The following C2CD3 variants were observed in gnomAD, a reference collection of about 807,000 sequenced individuals.
C2CD3 encodes the protein C2 domain containing 3 centriole elongation regulator.
C2CD3 carries 148 observed loss-of-function variants against 234.0 expected under a neutral mutation model. That is an observed-to-expected ratio of 0.63 (90% confidence interval 0.55 to 0.72). The LOEUF (loss-of-function observed/expected upper bound fraction) is 0.72, where lower values mean the gene tolerates loss of function less well. C2CD3 is among the 30% of genes least tolerant of loss of function. The pLI is 0.00. For synonymous variants in C2CD3, 1,000 were observed against 1,035.4 expected, an observed-to-expected ratio of 0.97 and a Z score of 0.66; for missense variants, 2,577 against 2,811.5, an observed-to-expected ratio of 0.92 and a Z score of 1.89.
Position 74,138,968 on chromosome 11 carries a change from C to T in C2CD3, c.708-1G>A. ...TGCAAAGCATACATGGTCTTTTCCCCTGTTTTTTTAAAAAGGGAGAACATC... is the reference window on the plus strand; with the variant it reads ...TGCAAAGCATACATGGTCTTTTCCCTTGTTTTTTTAAAAAGGGAGAACATC... On this transcript the variant is annotated splice_acceptor_variant, in intron 4 of 32. Transcript: ENST00000334126. LOFTEE classifies it high-confidence loss of function. 3 of 1,601,752 alleles carry T rather than the reference C, an allele frequency of 1.9e-6. No individual in the cohort carries two copies. Among genetic ancestry groups the T allele is most frequent in the Non-Finnish European group, 1.7e-6 (2 of 1,173,476 alleles).
intron 3 of C2CD3, among the ~76,000 whole-genome samples, chr11:74,153,777 T>C (rs1855834510): frequency 6.6e-6 from 1 of 152,146 alleles, no homozygotes; most frequent in South Asian, 2.1e-4. Context: ...GAGTATCTTA[T>C]TTCAAGGTTT....
At chr11:74,164,171 T>A (rs1265919472) in intron 2 of C2CD3, 59 of 973,488 alleles carry the variant, frequency 6.1e-5, no homozygotes, top group Non-Finnish European at 7.2e-5. Context: ...TCACTTGTTG[T>A]GGAATTAGAA....
intron 23 of C2CD3, among the ~76,000 whole-genome samples, chr11:74,076,518 C>CT (rs901741565): frequency 6.6e-6 from 1 of 152,220 alleles, no homozygotes; most frequent in Non-Finnish European, 1.5e-5. Flanking sequence ...AAGCTATACA[C>CT]TCCTCTTGTA....
At chr11:74,114,006 C>T in intron 10 of C2CD3, 114 bp from the exon 11 acceptor site, 1 of 639,772 alleles carries the variant, frequency 1.6e-6, no homozygotes, top group African/African-American at 1.8e-5. Context: ...TACTCAGAGG[C>T]CCTACCTCTT....
rs561411722 is a variant in C2CD3 at position 74,111,634 on chromosome 11, T to C, written c.1843+2146A>G. 7.9e-5 allele frequency among the ~76,000 whole-genome samples: 12 copies of C among 152,170 alleles called. No homozygotes were observed. The South Asian group carries it at 2.5e-3, about 32-fold the overall frequency. On this transcript the variant is annotated intron_variant, in intron 11 of 32. Coordinates refer to ENST00000334126, the MANE Select transcript of C2CD3 (RefSeq NM_001286577.2). ...TTGAAGAAAGGACACTCAACTTGTG[T>C]ATGGTGCATTAATACTTGCAGAAAC...
chr11:74,019,411 T>C (rs1300821869), intron 32 of C2CD3, among the ~76,000 whole-genome samples: 3 of 152,218 alleles, frequency 2.0e-5, no homozygotes, highest in African/African-American at 4.8e-5. Flanking sequence ...TTATCAGAGA[T>C]ACTTTGACCT....
At chr11:74,073,766 T>C (rs1327167025) in intron 24 of C2CD3, among the ~76,000 whole-genome samples, 4 of 152,202 alleles carry the variant, frequency 2.6e-5, no homozygotes, top group Non-Finnish European at 5.9e-5. Flanking sequence ...CTACTGCCTA[T>C]ATTCATAATG....
intron 3 of C2CD3, among the ~76,000 whole-genome samples, chr11:74,158,605 C>T (rs1856203298): frequency 6.6e-6 from 1 of 151,886 alleles, no homozygotes; most frequent in African/African-American, 2.4e-5. Context: ...GCCTGTAATC[C>T]CAGCTACTCA....
At position 74,113,472 on chromosome 11, in the gene C2CD3, G is replaced by A. The variant is rs1024516664; in HGVS notation, c.1843+308C>T. On this transcript the variant is annotated intron_variant, in intron 11 of 32. Transcript: ENST00000334126. ...GGCAGGCGGATCACTTAAGGTCAGG[G>A]GTTTGAGACCACCCTGGCCAACATG... The A allele has an allele frequency of 1.5e-4, 49 of 336,302 alleles. No homozygotes were observed. The Admixed American group carries it at 2.1e-3, about 14-fold the overall frequency. The allele number at this position is 336,302 out of a possible 1,614,324, so 20.8% of individuals were successfully genotyped here. A position where few individuals can be genotyped will look rare whatever the true frequency, so the allele number is the denominator to read the frequency against.
Position 74,123,280 on chromosome 11 carries a change from T to C in C2CD3, c.1218-145A>G, listed in dbSNP as rs1201758390. ...TCACATTAAACAAAAGACTACTGAA[T>C]AAATATTTCCCAATTATACTACCCC... On this transcript the variant is annotated intron_variant, in intron 7 of 32. Coordinates refer to ENST00000334126, the MANE Select transcript of C2CD3 (RefSeq NM_001286577.2). 5.7e-5 allele frequency: 36 copies of C among 626,116 alleles called. No individual in the cohort carries two copies. In the East Asian group the frequency reaches 9.6e-4, roughly 17 times the overall value. The allele number at this position is 626,116 out of a possible 1,614,324, so 38.8% of individuals were successfully genotyped here.
At position 74,033,432 on chromosome 11, in the gene C2CD3, C is replaced by A. The variant is rs1295630097; in HGVS notation, c.6728G>T (p.Gly2243Val). 6.5e-7 allele frequency: 1 copy of A among 1,536,114 alleles called. No individual in the cohort carries two copies. Among genetic ancestry groups the A allele is most frequent in the South Asian group, 1.2e-5 (1 of 84,062 alleles). ...GATGTCAGAGGAGTCGATGGGTGGT[C>A]CCTTATGGTTTTCCCTTCTGCTCTG... Reference protein sequence around the residue: ...ASQSRRENHKGPPIDSSDIRQ... With the variant: ...ASQSRRENHKVPPIDSSDIRQ... Residue 2243 changes from glycine (G) to valine (V), a missense_variant, in exon 31 of 33, where the codon GGA becomes GTA. Gly to Val is a moderately radical substitution (Grantham distance 109). Transcript: ENST00000334126.
rs928577816 is a variant in C2CD3, at chr11:74,100,946, T to C, written c.2581-270A>G. Among the ~76,000 whole-genome samples the C allele has an allele frequency of 1.7e-4, 26 of 152,184 alleles. 1 individual carries two copies. Among genetic ancestry groups the C allele is most frequent in the Non-Finnish European group, 1.5e-5 (1 of 68,032 alleles). On this transcript the variant is annotated intron_variant, in intron 14 of 32. Transcript: ENST00000334126. Reference sequence around the variant, plus strand: ...AGCTTTGAGGACACAGAGAAGGTTGTTAAATATGTCAAACATGGTGCCTGC... The same window carrying C: ...AGCTTTGAGGACACAGAGAAGGTTGCTAAATATGTCAAACATGGTGCCTGC...
Position 74,138,790 on chromosome 11 carries a change from T to C in C2CD3, c.885A>G (p.Thr295=), listed in dbSNP as rs1449469540. ...NSSEFQPQIR[T]VAKSHSDSCI... ...ATGAGTCACTGTGACTCTTGGCAACTGTTCTAATTTGAGGCTGGAATTCAG... is the reference window on the plus strand; with the variant it reads ...ATGAGTCACTGTGACTCTTGGCAACCGTTCTAATTTGAGGCTGGAATTCAG... The change falls in exon 5 of 33, where the codon ACA becomes ACG. Residue 295 remains threonine, a synonymous_variant. Transcript: ENST00000334126. 1 of 1,612,986 alleles carries C rather than the reference T, an allele frequency of 6.2e-7. No homozygotes were observed. Among genetic ancestry groups the C allele is most frequent in the African/African-American group, 1.3e-5 (1 of 74,934 alleles).
In C2CD3 at chr11:74,154,711, T is replaced by C. The variant is rs200279851; in HGVS notation, c.483+6688A>G. ...AAAAGCCACATAGACCATATATAAA[T>C]GAATGGGTGTGGCTGCGTCCTAATA... is the stretch of plus-strand genomic sequence containing the variant. On this transcript the variant is annotated intron_variant, in intron 3 of 32. Transcript: ENST00000334126. 3.0e-4 allele frequency among the ~76,000 whole-genome samples: 45 copies of C among 152,276 alleles called. No individual in the cohort carries two copies. The East Asian group carries it at 8.5e-3, about 29-fold the overall frequency.
intron 22 of C2CD3, among the ~76,000 whole-genome samples, chr11:74,080,806 T>C (rs1955318182): frequency 1.3e-5 from 2 of 152,170 alleles, no homozygotes; most frequent in Admixed American, 1.3e-4. Context: ...CCAAGATCTT[T>C]CACATGTAAG....
At chr11:74,077,281 A>AT (rs1044195735) in intron 23 of C2CD3, among the ~76,000 whole-genome samples, 1 of 152,038 alleles carries the variant, frequency 6.6e-6, no homozygotes, top group Non-Finnish European at 1.5e-5. Flanking sequence ...TCATTATTTC[A>AT]TAAGTGTTAA....
At chr11:74,035,691 C>G (rs577086574) in intron 30 of C2CD3, among the ~76,000 whole-genome samples, 68 of 151,588 alleles carry the variant, frequency 4.5e-4, no homozygotes, top group African/African-American at 1.4e-3. Flanking sequence ...ATAATGGAGG[C>G]AGGGGCAGGC....
chr11:74,093,786 A>G, intron 18 of C2CD3, 30 bp downstream of exon 18: 1 of 1,583,094 alleles, frequency 6.3e-7, no homozygotes, highest in Non-Finnish European at 8.6e-7. Context: ...CTTCCTTCCT[A>G]GGCATAGGAC....
rs143217042 is a variant in C2CD3 at position 74,022,856 on chromosome 11, G to A, written c.6921+5431C>T. Among the ~76,000 whole-genome samples, 620 of 152,370 alleles carry A rather than the reference G, an allele frequency of 4.1e-3. 4 individuals carry two copies. The highest frequency in any genetic ancestry group is 0.013 in the African/African-American group (525 of 41,594). ...CTGCAGTCCTGCTAAACCAGCCATC[G>A]TTCTCACCCCTTTTCTTTTTGCAGA... On this transcript the variant is annotated intron_variant, in intron 32 of 32. Coordinates refer to ENST00000334126, the MANE Select transcript of C2CD3 (RefSeq NM_001286577.2).
Sources: allele counts gnomAD v4.1 joint callset (sites outside exome capture counted in the v4.1 genomes callset), GRCh38; gene constraint gnomAD v4.1.1; transcripts MANE v1.5; gene names NCBI Gene and HGNC (gene_info 2026-07-23, HGNC 2026-07-21).